RHOBTB1: variants seen among roughly 807,000 people sequenced by gnomAD.
RHOBTB1 encodes Rho related BTB domain containing 1.
A neutral mutation model predicts 71.6 loss-of-function variants in RHOBTB1; 40 were observed. That is an observed-to-expected ratio of 0.56 (90% confidence interval 0.43 to 0.73). RHOBTB1 has a LOEUF of 0.73. RHOBTB1 is among the 30% of genes least tolerant of loss of function. RHOBTB1 has a pLI of 0.00. For missense variants in RHOBTB1, 797 were observed against 894.0 expected (o/e 0.89, Z 1.38); for synonymous variants, 319 against 334.9 (o/e 0.95, Z 0.52).
chr10:60,871,429 G>C lies in RHOBTB1; in HGVS notation c.*53C>G. 6.4e-7 allele frequency: 1 copy of C among 1,564,552 alleles called. No homozygotes were observed. The highest frequency in any genetic ancestry group is 8.7e-7 in the Non-Finnish European group (1 of 1,146,668). ...ATTTTATAGTAGTGCTTTGAAAAGT[G>C]GTGGATCAGATTACCGATTGGTTTC... On this transcript the variant is annotated 3_prime_UTR_variant, in exon 11 of 11. Transcript: ENST00000337910.
chr10:60,987,964 C>T (rs2086724719), intron 1 of RHOBTB1, among the ~76,000 whole-genome samples: 1 of 121,198 alleles, frequency 8.3e-6, no homozygotes, highest in Non-Finnish European at 1.6e-5. Flanking sequence ...GACCGAGTCT[C>T]GCTCTGTCCC....
chr10:60,908,602 C>T (rs2082801404), intron 4 of RHOBTB1, among the ~76,000 whole-genome samples: 1 of 152,132 alleles, frequency 6.6e-6, no homozygotes, highest in Non-Finnish European at 1.5e-5. Flanking sequence ...CTCTCAGAGC[C>T]GGGAAATGTA....
At chr10:60,864,132 C>A in the RHOBTB1 span, among the ~76,000 whole-genome samples, 1 of 152,162 alleles carries the variant, frequency 6.6e-6, no homozygotes, top group African/African-American at 2.4e-5. Flanking sequence ...GGCTTCTCAC[C>A]CTTTCCAGTC....
Position 60,880,299 on chromosome 10 carries a change from T to C in RHOBTB1, c.1576-2241A>G, listed in dbSNP as rs138969844. On this transcript the variant is annotated intron_variant, in intron 7 of 10. Transcript: ENST00000337910. The stretch of plus-strand genomic sequence containing the variant: ...AGAGAGAGAGTGTATGTATGTATAA[T>C]GGCCCCACATTCTACAAGGTGCTTA... Among the ~76,000 whole-genome samples the C allele has an allele frequency of 1.4e-4, 21 of 150,932 alleles. 3 individuals are homozygous for C. The East Asian group carries it at 3.5e-3, about 25-fold the overall frequency.
At chr10:60,982,002 C>G (rs897631673) in intron 2 of RHOBTB1, among the ~76,000 whole-genome samples, 1 of 152,158 alleles carries the variant, frequency 6.6e-6, no homozygotes, top group African/African-American at 2.4e-5. Flanking sequence ...AACTCCTGAC[C>G]TCAGGTGATC....
At chr10:60,901,978 T>C (rs2082433781) in intron 4 of RHOBTB1, among the ~76,000 whole-genome samples, 1 of 152,210 alleles carries the variant, frequency 6.6e-6, no homozygotes, top group Admixed American at 6.5e-5. Flanking sequence ...TTCCTGGCCC[T>C]GGCACATGGG....
chr10:60,863,714 G>A, the RHOBTB1 span, among the ~76,000 whole-genome samples: 1 of 152,032 alleles, frequency 6.6e-6, no homozygotes, highest in African/African-American at 2.4e-5. Context: ...TGTATTTTTG[G>A]TAGAGATGGA....
At chr10:60,939,598 G>T (rs2084791750) in intron 2 of RHOBTB1, among the ~76,000 whole-genome samples, 1 of 152,004 alleles carries the variant, frequency 6.6e-6, no homozygotes. Context: ...TTGGTGTTGT[G>T]ATGTTGGTGG....
At chr10:60,981,780 T>A (rs1016101737) in intron 2 of RHOBTB1, among the ~76,000 whole-genome samples, 2 of 152,184 alleles carry the variant, frequency 1.3e-5, no homozygotes, top group African/African-American at 4.8e-5. Context: ...AGTTACTTTT[T>A]TTTTTTAACA....
intron 2 of RHOBTB1, among the ~76,000 whole-genome samples, chr10:60,915,954 ATTG>A (rs1198581354): frequency 6.6e-6 from 1 of 152,072 alleles, no homozygotes; most frequent in African/African-American, 2.4e-5. Context: ...CGTGCTGGAT[ATTG>A]TTGTCATCCA....
chr10:60,953,420 C>T (rs1259811162), intron 2 of RHOBTB1, among the ~76,000 whole-genome samples: 1 of 152,116 alleles, frequency 6.6e-6, no homozygotes, highest in Non-Finnish European at 1.5e-5. Context: ...GAAACAGTGG[C>T]ATTTGTGTGG....
chr10:60,988,185 C>G (rs1238440733), intron 1 of RHOBTB1, among the ~76,000 whole-genome samples: 1 of 151,968 alleles, frequency 6.6e-6, no homozygotes, highest in Non-Finnish European at 1.5e-5. Flanking sequence ...CTGCCCGCCT[C>G]GGCCTCCCAA....
Position 60,896,248 on chromosome 10 carries a change from G to C in RHOBTB1, c.297-3253C>G, listed in dbSNP as rs138039971. On this transcript the variant is annotated intron_variant, in intron 4 of 10. Coordinates refer to ENST00000337910, the MANE Select transcript of RHOBTB1 (RefSeq NM_014836.5). ...ATACCATTCCTCTGAAAGATAAAAA[G>C]AAACAGGCAAGTTCTAGCATTTCTA... is the stretch of plus-strand genomic sequence containing the variant. Among the ~76,000 whole-genome samples the C allele has an allele frequency of 3.5e-3, 534 of 152,304 alleles. 2 individuals are homozygous for C. Among genetic ancestry groups the C allele is most frequent in the Non-Finnish European group, 6.1e-3 (413 of 67,998 alleles).
intron 2 of RHOBTB1, among the ~76,000 whole-genome samples, chr10:60,936,258 A>G (rs2084575512): frequency 6.6e-6 from 1 of 152,244 alleles, no homozygotes; most frequent in African/African-American, 2.4e-5. Flanking sequence ...CAACTGCAAC[A>G]TAGGTTGGCC....
chr10:60,905,411 C>G (rs1223180299), intron 4 of RHOBTB1, among the ~76,000 whole-genome samples: 1 of 133,432 alleles, frequency 7.5e-6, no homozygotes, highest in Non-Finnish European at 1.5e-5. Flanking sequence ...GATCGCGCCA[C>G]TGCACACCAG....
intron 1 of RHOBTB1, among the ~76,000 whole-genome samples, chr10:61,000,148 C>T (rs10994605): frequency 0.035 from 5,288 of 152,170 alleles, 99 homozygotes; most frequent in Middle Eastern, 0.11. Flanking sequence ...CTTACGCTTC[C>T]GAGTGCATCT....
intron 2 of RHOBTB1, among the ~76,000 whole-genome samples, chr10:60,938,737 G>A (rs1292623668): frequency 6.6e-6 from 1 of 152,146 alleles, no homozygotes; most frequent in Non-Finnish European, 1.5e-5. Flanking sequence ...TGGAGGGGGG[G>A]TTTGTTTAGA....
chr10:60,956,537 TATA>T (rs1016242709), intron 2 of RHOBTB1, among the ~76,000 whole-genome samples: 17 of 152,340 alleles, frequency 1.1e-4, no homozygotes, highest in African/African-American at 3.6e-4. Context: ...TTGGCTATTT[TATA>T]ATAACATTTG....
chr10:60,976,606 T>G (rs915273397), intron 2 of RHOBTB1, among the ~76,000 whole-genome samples: 5 of 152,026 alleles, frequency 3.3e-5, no homozygotes, highest in African/African-American at 1.2e-4. Context: ...TTTTAAAACT[T>G]CTATGCCCAA....
Sources: allele counts gnomAD v4.1 joint callset (sites outside exome capture counted in the v4.1 genomes callset), GRCh38; gene constraint gnomAD v4.1.1; transcripts MANE v1.5; gene names NCBI Gene and HGNC (gene_info 2026-07-23, HGNC 2026-07-21).